The following PCDHGA5 variants were observed in gnomAD, a reference collection of about 807,000 sequenced individuals.
PCDHGA5 encodes protocadherin gamma-A5.
In PCDHGA5, 36 loss-of-function variants were observed where a neutral mutation model predicts 56.7. The ratio of observed to expected loss-of-function variants is 0.64; its 90% CI spans 0.49 to 0.84. PCDHGA5 has a LOEUF of 0.84. Among genes scored for constraint, PCDHGA5 ranks in the 40% least tolerant of loss-of-function variants. PCDHGA5 has a pLI of 0.00. For synonymous variants in PCDHGA5, 563 were observed against 520.2 expected, an observed-to-expected ratio of 1.08 and a Z score of -1.12; for missense variants, 1,305 against 1,201.5, an observed-to-expected ratio of 1.09 and a Z score of -1.27.
rs2097721634 is a variant in PCDHGA5, at chr5:141,434,835, A to G, written c.2422-59972A>G. On this transcript the variant is annotated intron_variant, in intron 1 of 3. Coordinates refer to ENST00000518069, the MANE Select transcript of PCDHGA5 (RefSeq NM_018918.3). ...ATATCCCTTAGTACACTTGGCATTT[A>G]TAAAGCAGACATCAATAAATTTATA... 2.0e-5 allele frequency among the ~76,000 whole-genome samples: 3 copies of G among 151,972 alleles called. 1 individual carries two copies. In the South Asian group the frequency reaches 6.2e-4, roughly 32 times the overall value.
Position 141,483,648 on chromosome 5 carries a change from T to TTGTG in PCDHGA5, c.2422-11141_2422-11138dup, listed in dbSNP as rs111458813. ...GGAGAAGGTATAGAGGGGTGTGTGTTTGTGTGTGTGTGTGTGTGTGTAAAA... is the reference window on the plus strand; with the variant it reads ...GGAGAAGGTATAGAGGGGTGTGTGTTTGTGTGTGTGTGTGTGTGTGTGTGTAAAA... On this transcript the variant is annotated intron_variant, in intron 1 of 3. Coordinates refer to ENST00000518069, the MANE Select transcript of PCDHGA5 (RefSeq NM_018918.3). Among the ~76,000 whole-genome samples, 501 of 149,686 alleles carry TTGTG rather than the reference T, an allele frequency of 3.3e-3. 2 individuals are homozygous for TTGTG. Among genetic ancestry groups the TTGTG allele is most frequent in the African/African-American group, 7.3e-3 (297 of 40,842 alleles).
intron 2 of PCDHGA5, among the ~76,000 whole-genome samples, chr5:141,501,306 C>T (rs1016823458): frequency 5.3e-5 from 8 of 151,412 alleles, no homozygotes; most frequent in Non-Finnish European, 8.8e-5. Context: ...CACACACACA[C>T]ACACACACAC....
intron 1 of PCDHGA5, chr5:141,441,752 C>A (rs1043293959): frequency 5.3e-6 from 2 of 377,970 alleles, no homozygotes; most frequent in Non-Finnish European, 5.3e-6. Flanking sequence ...TCGGCGTCAA[C>A]GTGAGCCTGC....
chr5:141,394,567 G>A, intron 1 of PCDHGA5: 1 of 1,614,040 alleles, frequency 6.2e-7, no homozygotes, highest in Non-Finnish European at 8.5e-7. Flanking sequence ...GCAGAGCGTG[G>A]CTACCTGGTG....
At chr5:141,394,536 G>T in intron 1 of PCDHGA5, 2 of 1,614,188 alleles carry the variant, frequency 1.2e-6, no homozygotes, top group Non-Finnish European at 1.7e-6. Flanking sequence ...TTCCACTGGC[G>T]TGGAGCTGGC....
intron 1 of PCDHGA5, among the ~76,000 whole-genome samples, chr5:141,380,542 T>G (rs182715146): frequency 6.6e-6 from 1 of 152,362 alleles, no homozygotes; most frequent in East Asian, 1.9e-4. Flanking sequence ...TTTGATACAA[T>G]GAGCTTATGT....
Position 141,450,006 on chromosome 5 carries a change from C to CTATTTTTT in PCDHGA5, c.2422-44800_2422-44799insATTTTTTT, listed in dbSNP as rs70988802. Among the ~76,000 whole-genome samples the CTATTTTTT allele has an allele frequency of 4.4e-4, 58 of 132,942 alleles. 2 individuals carry two copies. The highest frequency in any genetic ancestry group is 8.4e-4 in the African/African-American group (30 of 35,608). The allele number at this position is 132,942 out of a possible 152,430, so 87.2% of individuals were successfully genotyped here. A position where few individuals can be genotyped will look rare whatever the true frequency, so the allele number is the denominator to read the frequency against. ...CACATTGCATTTAGTTGCCATGTCT[C>CTATTTTTT]TTTTTTTTTTTTTTTTTTGAGACAG... On this transcript the variant is annotated intron_variant, in intron 1 of 3. Coordinates refer to ENST00000518069, the MANE Select transcript of PCDHGA5 (RefSeq NM_018918.3).
At chr5:141,379,885 G>A (rs1386862862) in intron 1 of PCDHGA5, among the ~76,000 whole-genome samples, 2 of 89,210 alleles carry the variant, frequency 2.2e-5, no homozygotes, top group African/African-American at 8.6e-5. Context: ...GTCTGTGAAA[G>A]CCTCTTTTTT....
At position 141,485,811 on chromosome 5, in the gene PCDHGA5, C is replaced by T; in HGVS notation, c.2422-8996C>T. 6.2e-7 allele frequency: 1 copy of T among 1,614,220 alleles called. No homozygotes were observed. The highest frequency in any genetic ancestry group is 8.5e-7 in the Non-Finnish European group (1 of 1,180,028). ...CAATCGGACTACCGCCTGGTGCTGA[C>T]TGCTGTCGATGGAGGGAACCCGCCG... On this transcript the variant is annotated intron_variant, in intron 1 of 3. Transcript: ENST00000518069. This position sits in a 1 kb window ranked among gnomAD's most constrained non-coding sequence, Gnocchi z 5.7.
intron 1 of PCDHGA5, among the ~76,000 whole-genome samples, chr5:141,402,647 A>C (rs2094289901): frequency 6.6e-6 from 1 of 152,250 alleles, no homozygotes; most frequent in Non-Finnish European, 1.5e-5. Flanking sequence ...TCATAATTAG[A>C]AGAGAGTAGT....
chr5:141,490,380 T>A lies in PCDHGA5; in HGVS notation c.2422-4427T>A. On this transcript the variant is annotated intron_variant, in intron 1 of 3. Coordinates refer to ENST00000518069, the MANE Select transcript of PCDHGA5 (RefSeq NM_018918.3). The surrounding 1 kb of genome is among the most constrained non-coding windows in gnomAD (Gnocchi z 5.4). ...TTAATGTGCGAGACCGGGACTCAGG[T>A]AGAAATGGTGAAGTGAGCCTTGATA... 6.2e-7 allele frequency: 1 copy of A among 1,614,204 alleles called. No homozygotes were observed. The highest frequency in any genetic ancestry group is 1.7e-5 in the Admixed American group (1 of 60,026).
At position 141,490,328 on chromosome 5, in the gene PCDHGA5, C is replaced by T; in HGVS notation, c.2422-4479C>T. 2 of 1,614,228 alleles carry T rather than the reference C, an allele frequency of 1.2e-6. No homozygotes were observed. Among genetic ancestry groups the T allele is most frequent in the Non-Finnish European group, 1.7e-6 (2 of 1,180,048 alleles). Reference sequence around the variant, plus strand: ...TTGGCCAACCCTGTCCTAGAGAGCACACCAGTGGGCACAGTAGTGGGGTTG... The same window carrying T: ...TTGGCCAACCCTGTCCTAGAGAGCATACCAGTGGGCACAGTAGTGGGGTTG... On this transcript the variant is annotated intron_variant, in intron 1 of 3. Coordinates refer to ENST00000518069, the MANE Select transcript of PCDHGA5 (RefSeq NM_018918.3). The surrounding 1 kb of genome is among the most constrained non-coding windows in gnomAD (Gnocchi z 5.4).
At chr5:141,468,330 CAAA>C (rs533390277) in intron 1 of PCDHGA5, 32,113 of 79,068 alleles carry the variant, frequency 0.41, 3,870 homozygotes, top group African/African-American at 0.52. Flanking sequence ...AACTCCATCT[CAAA>C]AAAAAAAAAA....
intron 1 of PCDHGA5, chr5:141,385,044 G>T: frequency 1.9e-6 from 3 of 1,614,146 alleles, no homozygotes; most frequent in South Asian, 2.2e-5. Context: ...TGGCGCTCAG[G>T]CTGCGGCGCT....
At chr5:141,414,861 T>C in intron 1 of PCDHGA5, 1 of 1,614,118 alleles carries the variant, frequency 6.2e-7, no homozygotes, top group Admixed American at 1.7e-5. Context: ...AGAACGACAA[T>C]GCGCCCGAGA....
At chr5:141,478,498 G>A in intron 1 of PCDHGA5, 8 of 1,612,712 alleles carry the variant, frequency 5.0e-6, no homozygotes, top group South Asian at 1.1e-5. Context: ...GCTGTGATCC[G>A]GTGTTCTATA....
chr5:141,489,267 C>A lies in PCDHGA5; in HGVS notation c.2422-5540C>A. On this transcript the variant is annotated intron_variant, in intron 1 of 3. Transcript: ENST00000518069. This position sits in a 1 kb window ranked among gnomAD's most constrained non-coding sequence, Gnocchi z 4.5. ...TGGGGCCCAAGACACTCCCACAGCT[C>A]GCTGGGAAATGGCAAGTGCTGTGCA... is the stretch of plus-strand genomic sequence containing the variant. 1 of 1,553,300 alleles carries A rather than the reference C, an allele frequency of 6.4e-7. No homozygotes were observed. The highest frequency in any genetic ancestry group is 8.7e-7 in the Non-Finnish European group (1 of 1,149,864).
intron 1 of PCDHGA5, among the ~76,000 whole-genome samples, chr5:141,437,588 A>G (rs1399641711): frequency 6.6e-6 from 1 of 152,134 alleles, no homozygotes; most frequent in African/African-American, 2.4e-5. Context: ...CATGAATTGG[A>G]TAGTTCTGGT....
At chr5:141,467,103 AGTACAATG>A (rs1438695307) in intron 1 of PCDHGA5, among the ~76,000 whole-genome samples, 1 of 147,462 alleles carries the variant, frequency 6.8e-6, no homozygotes, top group East Asian at 2.0e-4. Flanking sequence ...CACAGGCTGG[AGTACAATG>A]GTGCAATCTC....
Sources: gnomAD v4.1 joint callset for allele counts (sites outside exome capture counted in the v4.1 genomes callset) on GRCh38, gnomAD v4.1.1 for gene constraint, Gnocchi (gnomAD v3.1) non-coding constraint, MANE v1.5 for transcripts, NCBI Gene and HGNC (gene_info 2026-07-23, HGNC 2026-07-21) for gene names.